PCDH11X: variants seen among roughly 807,000 people sequenced by gnomAD.
PCDH11X encodes the protein protocadherin 11 X-linked, also known as protocadherin-11 X-linked.
Under a neutral mutation model 53.3 loss-of-function variants are expected in PCDH11X, and 18 were observed. The ratio of observed to expected loss-of-function variants is 0.34; its 90% CI spans 0.23 to 0.50. PCDH11X has a LOEUF of 0.50. PCDH11X is among the 20% of genes least tolerant of loss of function. The probability of loss-of-function intolerance (pLI) is 0.98; values close to 1 mark genes in which losing one functional copy is unlikely to be tolerated. For synonymous variants in PCDH11X, 279 were observed against 393.3 expected (o/e 0.71, Z 3.44); for missense variants, 570 against 1,032.4 (o/e 0.55, Z 6.14).
chrX:92,605,969 C>T (rs1251351291), intron 10 of PCDH11X, among the ~76,000 whole-genome samples: 1 of 110,724 alleles, frequency 9.0e-6, no homozygotes, highest in African/African-American at 3.3e-5. Context: ...CAGTGGCTGA[C>T]GCCTGTAATC....
chrX:92,423,399 A>C (rs1266516356), intron 9 of PCDH11X, among the ~76,000 whole-genome samples: 4 of 96,238 alleles, frequency 4.2e-5, no homozygotes, highest in African/African-American at 1.3e-4. Flanking sequence ...GTCTTTTGTC[A>C]GGTGTATAGA....
intron 1 of PCDH11X, among the ~76,000 whole-genome samples, chrX:91,791,925 A>G (rs1194432716): frequency 6.9e-5 from 7 of 101,736 alleles, no homozygotes; most frequent in Admixed American, 1.1e-4. Context: ...GCAGTGGCGC[A>G]ATCTCGGCTC....
intron 5 of PCDH11X, among the ~76,000 whole-genome samples, chrX:91,858,475 G>T (rs1938476095): frequency 9.0e-6 from 1 of 111,442 alleles, no homozygotes; most frequent in African/African-American, 3.3e-5. Flanking sequence ...CACATTGTCA[G>T]ACTGCAATTT....
chrX:91,804,878 T>C (rs1019194202), intron 1 of PCDH11X, among the ~76,000 whole-genome samples: 10 of 106,761 alleles, frequency 9.4e-5, no homozygotes, highest in Non-Finnish European at 1.5e-4. Context: ...TGTTCTTCTT[T>C]CATTTTTCAA....
chrX:92,336,626 CAT>C (rs2069624999), intron 8 of PCDH11X, among the ~76,000 whole-genome samples: 1 of 111,494 alleles, frequency 9.0e-6, no homozygotes, highest in South Asian at 3.7e-4. Context: ...ATTTTTGCCA[CAT>C]ATGCTGTAGT....
At chrX:92,186,393 GC>G (rs2066095491) in intron 6 of PCDH11X, among the ~76,000 whole-genome samples, 1 of 111,629 alleles carries the variant, frequency 9.0e-6, no homozygotes, top group South Asian at 3.7e-4. Context: ...ACTTTGGGAG[GC>G]CAAGGCGGGT....
chrX:91,888,376 C>A (rs780374998), intron 6 of PCDH11X, among the ~76,000 whole-genome samples: 3 of 111,867 alleles, frequency 2.7e-5, no homozygotes, highest in African/African-American at 9.7e-5. Flanking sequence ...AGTGGCCAGG[C>A]GCAGTAACTC....
At chrX:92,203,572 C>T (rs2066427265) in intron 7 of PCDH11X, among the ~76,000 whole-genome samples, 1 of 112,339 alleles carries the variant, frequency 8.9e-6, no homozygotes, top group Non-Finnish European at 1.9e-5. Context: ...GCTGCCTAGA[C>T]AGAGCCAATT....
chrX:92,516,471 G>T (rs181590388), intron 10 of PCDH11X, among the ~76,000 whole-genome samples: 41 of 111,552 alleles, frequency 3.7e-4, no homozygotes, highest in African/African-American at 1.3e-3. Context: ...ATCTTCTAAC[G>T]GAAAAAAGTA....
intron 8 of PCDH11X, among the ~76,000 whole-genome samples, chrX:92,287,496 C>G (rs2068400901): frequency 9.0e-6 from 1 of 111,127 alleles, no homozygotes; most frequent in South Asian, 3.8e-4. Context: ...ACTTCTCATT[C>G]AGTATCCACC....
At chrX:92,616,813 C>T (rs1390827621) in intron 10 of PCDH11X, among the ~76,000 whole-genome samples, 1 of 110,411 alleles carries the variant, frequency 9.1e-6, no homozygotes, top group East Asian at 2.9e-4. Flanking sequence ...GTTGACTTTA[C>T]GGATCAATTG....
chrX:92,101,172 G>A (rs1224426835), intron 6 of PCDH11X, among the ~76,000 whole-genome samples: 1 of 111,740 alleles, frequency 8.9e-6, no homozygotes, highest in Non-Finnish European at 1.9e-5. Flanking sequence ...TAAACTGGCA[G>A]TGTAAACAAG....
chrX:92,121,295 A>G (rs183075108), intron 6 of PCDH11X, among the ~76,000 whole-genome samples: 3 of 110,561 alleles, frequency 2.7e-5, no homozygotes, highest in African/African-American at 9.8e-5. Flanking sequence ...AGCTGGGATT[A>G]CAGGCATCCG....
intron 6 of PCDH11X, among the ~76,000 whole-genome samples, chrX:92,115,853 T>G (rs2064627775): frequency 9.3e-6 from 1 of 107,644 alleles, no homozygotes; most frequent in Non-Finnish European, 1.9e-5. Flanking sequence ...CCTTTCCCAG[T>G]TCACTGACTC....
chrX:92,518,533 A>G (rs1006465326), intron 10 of PCDH11X, among the ~76,000 whole-genome samples: 11 of 111,395 alleles, frequency 9.9e-5, no homozygotes, highest in African/African-American at 2.6e-4. Context: ...AAAGGAGCCA[A>G]TGTTTTATAT....
chrX:92,375,543 A>T (rs2070732535), intron 8 of PCDH11X, among the ~76,000 whole-genome samples: 1 of 107,961 alleles, frequency 9.3e-6, no homozygotes, highest in African/African-American at 3.4e-5. Context: ...CCTGAAAAAT[A>T]TTTGCTAGTA....
chrX:91,786,931 A>G (rs999096838), intron 1 of PCDH11X, among the ~76,000 whole-genome samples: 23 of 111,771 alleles, frequency 2.1e-4, no homozygotes, highest in African/African-American at 7.1e-4. Context: ...AATTTCAAAG[A>G]CAAGTATATT....
At chrX:92,359,173 A>G (rs1358561640) in intron 8 of PCDH11X, among the ~76,000 whole-genome samples, 4 of 105,478 alleles carry the variant, frequency 3.8e-5, no homozygotes, top group Non-Finnish European at 7.8e-5. Flanking sequence ...GAGGATAAAC[A>G]TGCATTATTT....
rs2759901 is a variant in PCDH11X at position 92,071,800 on chromosome X, C to T, written c.3034-129575C>T. Among the ~76,000 whole-genome samples the T allele has an allele frequency of 3.3e-4, 37 of 111,909 alleles. No individual in the cohort carries two copies. The South Asian group carries it at 6.0e-3, about 18-fold the overall frequency. ...TGAAGTCTCTTTTCCTGTGCTGAGCCGTCTGCAACTGGAGGTGTGGTGATG... is the reference window on the plus strand; with the variant it reads ...TGAAGTCTCTTTTCCTGTGCTGAGCTGTCTGCAACTGGAGGTGTGGTGATG... On this transcript the variant is annotated intron_variant, in intron 6 of 10. Coordinates refer to ENST00000682573, the MANE Select transcript of PCDH11X (RefSeq NM_032968.5).
Sources: allele counts gnomAD v4.1 joint callset (sites outside exome capture counted in the v4.1 genomes callset), GRCh38; gene constraint gnomAD v4.1.1; transcripts MANE v1.5; gene names NCBI Gene and HGNC (gene_info 2026-07-23, HGNC 2026-07-21).